The following TCERG1 variants were observed in gnomAD, a reference collection of about 807,000 sequenced individuals.
TCERG1 encodes transcription elongation regulator 1.
In TCERG1, 37 loss-of-function variants were observed where a neutral mutation model predicts 144.7. The observed-to-expected ratio is 0.26, with a 90% CI of 0.20 to 0.34. The LOEUF (loss-of-function observed/expected upper bound fraction) is 0.34, where lower values mean the gene tolerates loss of function less well. TCERG1 is among the 10% of genes least tolerant of loss of function. TCERG1 has a pLI of 1.00. For synonymous variants in TCERG1, 492 were observed against 458.2 expected, an observed-to-expected ratio of 1.07 and a Z score of -0.94; for missense variants, 1,027 against 1,380.7, an observed-to-expected ratio of 0.74 and a Z score of 4.06.
intron 9 of TCERG1, among the ~76,000 whole-genome samples, chr5:146,472,656 CCCT>C (rs1764434266): frequency 1.3e-5 from 2 of 151,706 alleles, no homozygotes; most frequent in Admixed American, 1.3e-4. Context: ...CCCTATAATG[CCCT>C]CAAAGTGTTC....
chr5:146,471,832 C>T (rs543228580), intron 9 of TCERG1, among the ~76,000 whole-genome samples: 6 of 152,170 alleles, frequency 3.9e-5, no homozygotes, highest in African/African-American at 1.4e-4. Context: ...CTCTTGACCT[C>T]GTGATCCGCC....
In TCERG1 at chr5:146,511,178, C is replaced by T. The variant is rs1430742748; in HGVS notation, c.*536C>T. 1 of 152,548 alleles carries T rather than the reference C, an allele frequency of 6.6e-6. No individual in the cohort carries two copies. Among genetic ancestry groups the T allele is most frequent in the Non-Finnish European group, 1.5e-5 (1 of 68,026 alleles). The allele number at this position is 152,548 out of a possible 1,614,324, so 9.4% of individuals were successfully genotyped here. On this transcript the variant is annotated 3_prime_UTR_variant, in exon 23 of 23. Coordinates refer to ENST00000679501, the MANE Select transcript of TCERG1 (RefSeq NM_001382548.1). ...AGATCAGATTAGTTTTATTTGTTCA[C>T]TTACGTGCTTTGATTATCCCCTCTG...
chr5:146,483,423 TC>T, intron 14 of TCERG1, 116 bp from the exon 15 acceptor site: 2 of 841,072 alleles, frequency 2.4e-6, no homozygotes, highest in Non-Finnish European at 3.6e-6. Context: ...GATGGAAACT[TC>T]AGTATGGTTT....
At chr5:146,454,994 A>T (rs562668689) in intron 1 of TCERG1, 62 bp from the exon 2 acceptor site, 5 of 1,546,864 alleles carry the variant, frequency 3.2e-6, no homozygotes, top group Non-Finnish European at 4.4e-6. Flanking sequence ...GTAATTAGAG[A>T]TCAGTAGCTA....
rs887736713 is a variant in TCERG1 at position 146,499,646 on chromosome 5, T to C, written c.2433+960T>C. 2.0e-5 allele frequency: 3 copies of C among 152,248 alleles called. No individual in the cohort carries two copies. The East Asian group carries it at 5.8e-4, about 29-fold the overall frequency. The allele number at this position is 152,248 out of a possible 1,614,324, so 9.4% of individuals were successfully genotyped here. A position where few individuals can be genotyped will look rare whatever the true frequency, so the allele number is the denominator to read the frequency against. On this transcript the variant is annotated intron_variant, in intron 17 of 22. Transcript: ENST00000679501. ...TTGAATTAGAATCATGTTAATGAAT[T>C]ATTTGCTACTTTTGATTTTAGAATA... is the stretch of plus-strand genomic sequence containing the variant.
chr5:146,478,403 C>A, intron 9 of TCERG1, 90 bp from the exon 10 acceptor site: 3 of 1,327,336 alleles, frequency 2.3e-6, no homozygotes, highest in Non-Finnish European at 2.0e-6. Flanking sequence ...TCAGTACCCT[C>A]ATCTCCCTAC....
chr5:146,463,639 A>G lies in TCERG1; in HGVS notation c.981A>G (p.Thr327=). The change falls in exon 5 of 23, where the codon ACA becomes ACG. Residue 327 remains threonine, a synonymous_variant. Coordinates refer to ENST00000679501, the MANE Select transcript of TCERG1 (RefSeq NM_001382548.1). ...TTTCAACTCCTGCTCCTACAGCCACACCTGTGCAAACCGTTCCCCAGCCGC... is the reference window on the plus strand; with the variant it reads ...TTTCAACTCCTGCTCCTACAGCCACGCCTGTGCAAACCGTTCCCCAGCCGC... ...VSVSTPAPTA[T]PVQTVPQPHP... 6.2e-7 allele frequency: 1 copy of G among 1,614,096 alleles called. No homozygotes were observed.
Position 146,479,883 on chromosome 5 carries a change from C to A in TCERG1, c.1791C>A (p.Ile597=). Residue 597 remains isoleucine (I), a synonymous_variant, in exon 11 of 23, where the codon ATC becomes ATA. Transcript: ENST00000679501. Reference sequence around the variant, plus strand: ...ACCCAACTCCGACAATGCTGTCGATCCAAAAGTGGCAATTCTCTATGAGTG... The same window carrying A: ...ACCCAACTCCGACAATGCTGTCGATACAAAAGTGGCAATTCTCTATGAGTG... ...LRHPTPTMLS[I]QKWQFSMSAI... 1.9e-6 allele frequency: 3 copies of A among 1,613,488 alleles called. No homozygotes were observed. Among genetic ancestry groups the A allele is most frequent in the Non-Finnish European group, 1.7e-6 (2 of 1,179,622 alleles).
At position 146,459,014 on chromosome 5, in the gene TCERG1, A is replaced by G; in HGVS notation, c.569A>G (p.Gln190Arg). The G allele has an allele frequency of 3.1e-6, 5 of 1,613,992 alleles. No individual in the cohort carries two copies. Among genetic ancestry groups the G allele is most frequent in the Non-Finnish European group, 4.2e-6 (5 of 1,179,940 alleles). The stretch of plus-strand genomic sequence containing the variant: ...CAGGTTCAGGCTCAGGCCCAGGCGC[A>G]GGCTCAGGCCCAGGCGCAGGCTCAG... ...QAQVQAQAQA[Q>R]AQAQAQAQAQ... The change falls in exon 4 of 23, where the codon CAG (glutamine) becomes CGG (arginine). Residue 190 changes from glutamine (Q) to arginine (R), a missense_variant. Around this residue, in one of 6 missense-constraint regions of TCERG1, gnomAD observed 48 missense variants for 80.9 expected, o/e 0.59. Transcript: ENST00000679501.
intron 15 of TCERG1, among the ~76,000 whole-genome samples, chr5:146,485,902 C>T (rs1344469680): frequency 3.3e-5 from 5 of 152,118 alleles, no homozygotes; most frequent in African/African-American, 2.4e-5. Flanking sequence ...ACCATGCTGG[C>T]CAGGCTGGTC....
chr5:146,495,403 T>A (rs918753697), intron 16 of TCERG1, among the ~76,000 whole-genome samples: 1 of 152,208 alleles, frequency 6.6e-6, no homozygotes, highest in Non-Finnish European at 1.5e-5. Context: ...CTGAAGGGCT[T>A]AATTTATCAT....
chr5:146,464,866 G>A (rs1435135321), intron 5 of TCERG1, among the ~76,000 whole-genome samples: 1 of 151,990 alleles, frequency 6.6e-6, no homozygotes, highest in Non-Finnish European at 1.5e-5. Flanking sequence ...CTATTGCACT[G>A]GTTGTCTTTT....
chr5:146,471,859 A>G (rs1764344980), intron 9 of TCERG1, among the ~76,000 whole-genome samples: 1 of 152,186 alleles, frequency 6.6e-6, no homozygotes, highest in Non-Finnish European at 1.5e-5. Flanking sequence ...GGCCTCCCAA[A>G]GTGCTGGGAT....
chr5:146,487,996 T>A (rs1023593044), intron 15 of TCERG1, among the ~76,000 whole-genome samples: 2 of 152,134 alleles, frequency 1.3e-5, no homozygotes, highest in Non-Finnish European at 2.9e-5. Flanking sequence ...ACACTCACTG[T>A]GGCAAGAACA....
At position 146,507,013 on chromosome 5, in the gene TCERG1, A is replaced by T; in HGVS notation, c.2782-15A>T. ...AAGTCTCTTTGGTGATATATATATA[A>T]TTTTTTCTCTTCAGGTACGTTCTTC... On this transcript the variant is annotated splice_polypyrimidine_tract_variant and intron_variant, in intron 19 of 22. Transcript: ENST00000679501. This position sits in a 1 kb window ranked among gnomAD's most constrained non-coding sequence, Gnocchi z 4.6. The T allele has an allele frequency of 6.4e-7, 1 of 1,550,738 alleles. No homozygotes were observed. Among genetic ancestry groups the T allele is most frequent in the Non-Finnish European group, 8.7e-7 (1 of 1,154,888 alleles).
rs376199362 is a variant in TCERG1 at position 146,507,754 on chromosome 5, G to A, written c.2962-119G>A. 2.5e-4 allele frequency: 151 copies of A among 602,162 alleles called. No individual in the cohort carries two copies. In the African/African-American group the frequency reaches 2.6e-3, roughly 10 times the overall value. 37.3% of individuals were successfully genotyped at this position (602,162 alleles called of 1,614,324 possible). ...CCCTGTCCCTAACTAGTCCAGTTAC[G>A]CTTGGGCATTACAAGAGATCGCAGG... is the stretch of plus-strand genomic sequence containing the variant. On this transcript the variant is annotated intron_variant, in intron 20 of 22. Coordinates refer to ENST00000679501, the MANE Select transcript of TCERG1 (RefSeq NM_001382548.1). This position sits in a 1 kb window ranked among gnomAD's most constrained non-coding sequence, Gnocchi z 4.6.
chr5:146,457,924 A>G (rs1762970330), intron 3 of TCERG1, among the ~76,000 whole-genome samples: 1 of 152,236 alleles, frequency 6.6e-6, no homozygotes. Context: ...ATGTTGGTTC[A>G]CTGCAACCTC....
chr5:146,476,989 G>C (rs1433382889), intron 9 of TCERG1, among the ~76,000 whole-genome samples: 1 of 152,028 alleles, frequency 6.6e-6, no homozygotes, highest in East Asian at 1.9e-4. Flanking sequence ...GTTTCAAACT[G>C]CTGGCTTCGA....
intron 19 of TCERG1, 53 bp from the exon 20 acceptor site, chr5:146,506,975 T>C (rs762693653): frequency 5.7e-5 from 83 of 1,444,384 alleles, no homozygotes; most frequent in Non-Finnish European, 7.5e-5. Context: ...GAAGTGCAAA[T>C]GGACATTCAG....
Sources: gnomAD v4.1 joint callset for allele counts (sites outside exome capture counted in the v4.1 genomes callset) on GRCh38, gnomAD v4.1.1 for gene constraint, gnomAD v4.1.1 regional missense constraint, Gnocchi (gnomAD v3.1) non-coding constraint, MANE v1.5 for transcripts, NCBI Gene and HGNC (gene_info 2026-07-23, HGNC 2026-07-21) for gene names.